PLEKHA7: variants seen among roughly 807,000 people sequenced by gnomAD.
PLEKHA7 encodes the protein pleckstrin homology domain-containing family A member 7.
Under a neutral mutation model 170.0 loss-of-function variants are expected in PLEKHA7, and 104 were observed. The ratio of observed to expected loss-of-function variants is 0.61; its 90% confidence interval spans 0.52 to 0.72. The LOEUF is 0.72. PLEKHA7 is among the 30% of genes least tolerant of loss of function. The pLI is 0.00. For synonymous variants in PLEKHA7, 648 were observed against 660.8 expected, an observed-to-expected ratio of 0.98 and a Z score of 0.30; for missense variants, 1,615 against 1,671.7, an observed-to-expected ratio of 0.97 and a Z score of 0.59.
chr11:16,955,702 G>A (rs1408270512), intron 3 of PLEKHA7, among the ~76,000 whole-genome samples: 1 of 152,154 alleles, frequency 6.6e-6, no homozygotes, highest in Non-Finnish European at 1.5e-5. Context: ...AGTCCACAAT[G>A]GAAGGACAGT....
chr11:16,929,082 T>C (rs934499357), intron 3 of PLEKHA7, among the ~76,000 whole-genome samples: 1 of 152,146 alleles, frequency 6.6e-6, no homozygotes. Flanking sequence ...TAAAAACAAC[T>C]GCATTTAAAA....
chr11:16,822,892 A>C (rs183294113), intron 10 of PLEKHA7, among the ~76,000 whole-genome samples: 1 of 152,302 alleles, frequency 6.6e-6, no homozygotes, highest in Non-Finnish European at 1.5e-5. Context: ...CCAAATGTTA[A>C]AACTCTCCAG....
At chr11:16,962,390 C>A (rs1303638991) in intron 3 of PLEKHA7, among the ~76,000 whole-genome samples, 1 of 152,200 alleles carries the variant, frequency 6.6e-6, no homozygotes, top group African/African-American at 2.4e-5. Context: ...TTATTATCTC[C>A]ACTGTGCAAC....
rs776711368 is a variant in PLEKHA7, at chr11:16,851,270, A to G, written c.617T>C (p.Leu206Pro). Reference protein sequence around the residue: ...YYKDSREEAVLGSIPLPSYVI... With the variant: ...YYKDSREEAVPGSIPLPSYVI... ...GTAGCTGGGCAAGGGGATGCTCCCG[A>G]GGACCGCTTCTTCTCGGCTGTCTTT... Residue 206 changes from leucine (L) to proline (P), a missense_variant, in exon 8 of 27, where the codon CTC becomes CCC. Physicochemically the swap from Leu to Pro is moderately conservative, Grantham distance 98. Coordinates refer to ENST00000531066, the MANE Select transcript of PLEKHA7 (RefSeq NM_001329630.2). The G allele has an allele frequency of 1.9e-5, 31 of 1,611,318 alleles. No homozygotes were observed. Among genetic ancestry groups the G allele is most frequent in the Middle Eastern group, 1.6e-4 (1 of 6,062 alleles).
intron 3 of PLEKHA7, among the ~76,000 whole-genome samples, chr11:16,871,463 A>T (rs958262719): frequency 6.6e-6 from 1 of 152,216 alleles, no homozygotes; most frequent in African/African-American, 2.4e-5. Context: ...GAGACATTCC[A>T]TGAAGTACTT....
At chr11:16,941,626 C>T (rs1860698624) in intron 3 of PLEKHA7, among the ~76,000 whole-genome samples, 1 of 152,202 alleles carries the variant, frequency 6.6e-6, no homozygotes, top group Non-Finnish European at 1.5e-5. Flanking sequence ...TTTAATACAA[C>T]ATTTAATTCT....
chr11:16,779,025 C>CA lies in PLEKHA7; in HGVS notation c.3794-6dup, dbSNP rs766040545. The CA allele has an allele frequency of 2.8e-6, 2 of 702,556 alleles. No individual in the cohort carries two copies. Among genetic ancestry groups the CA allele is most frequent in the South Asian group, 3.0e-5 (2 of 67,602 alleles). 43.5% of individuals were successfully genotyped at this position (702,556 alleles called of 1,614,324 possible). On this transcript the variant is annotated splice_region_variant and splice_polypyrimidine_tract_variant and intron_variant, in intron 26 of 26. Transcript: ENST00000531066. ...ACGGGTCAGTCACTGCCTGGGCTGG[C>CA]AAAAAGCACAGGAGACAGTGAGAGG...
intron 3 of PLEKHA7, among the ~76,000 whole-genome samples, chr11:16,914,115 C>T (rs1382189449): frequency 6.6e-6 from 1 of 151,732 alleles, no homozygotes; most frequent in East Asian, 1.9e-4. Flanking sequence ...GGGAAATACA[C>T]ATGATATCGT....
At chr11:16,781,066 A>ACCGCTTAATTCCTGTGTGC in intron 26 of PLEKHA7, 1 of 968,060 alleles carries the variant, frequency 1.0e-6, no homozygotes, top group Non-Finnish European at 1.2e-6. Flanking sequence ...GATGGGGCAC[A>ACCGCTTAATTCCTGTGTGC]CAGGAATTAA....
chr11:16,964,146 T>C (rs1862230033), intron 3 of PLEKHA7, among the ~76,000 whole-genome samples: 1 of 152,214 alleles, frequency 6.6e-6, no homozygotes, highest in Admixed American at 6.5e-5. Context: ...GTGTCAAAAT[T>C]TCCTTCCTCT....
At chr11:16,975,300 G>A (rs1862992700) in intron 3 of PLEKHA7, among the ~76,000 whole-genome samples, 1 of 152,110 alleles carries the variant, frequency 6.6e-6, no homozygotes. Context: ...ACATAAGCAT[G>A]TATTTATTTT....
At chr11:16,910,170 T>A (rs1858146722) in intron 3 of PLEKHA7, among the ~76,000 whole-genome samples, 2 of 152,252 alleles carry the variant, frequency 1.3e-5, no homozygotes, top group Non-Finnish European at 2.9e-5. Flanking sequence ...AATTAATATA[T>A]GAGTAATGTT....
intron 3 of PLEKHA7, among the ~76,000 whole-genome samples, chr11:16,906,723 T>C (rs1341363754): frequency 1.4e-5 from 2 of 141,274 alleles, no homozygotes; most frequent in African/African-American, 3.0e-5. Flanking sequence ...AGTGCCGAGA[T>C]TGCAGCCTCT....
At chr11:16,838,748 G>A (rs1191926218) in intron 9 of PLEKHA7, among the ~76,000 whole-genome samples, 1 of 143,758 alleles carries the variant, frequency 7.0e-6, no homozygotes, top group African/African-American at 2.6e-5. Context: ...AGGCAGTGGT[G>A]CGATCTCTGC....
intron 13 of PLEKHA7, 90 bp downstream of exon 13, chr11:16,813,023 C>G: frequency 9.1e-7 from 1 of 1,100,246 alleles, no homozygotes; most frequent in Non-Finnish European, 1.4e-6. Context: ...TAAGACCTGT[C>G]TGGCCTTTGG....
At chr11:16,916,283 G>A (rs934854065) in intron 3 of PLEKHA7, among the ~76,000 whole-genome samples, 2 of 152,088 alleles carry the variant, frequency 1.3e-5, no homozygotes, top group Non-Finnish European at 1.5e-5. Context: ...AGTAGGTTGC[G>A]AAAATTTTCT....
chr11:16,933,520 G>A (rs1432730465), intron 3 of PLEKHA7, among the ~76,000 whole-genome samples: 2 of 152,182 alleles, frequency 1.3e-5, no homozygotes. Context: ...TGGAGAGAAG[G>A]AAAGAGAAAA....
Position 16,985,810 on chromosome 11 carries a change from C to A in PLEKHA7, c.221+28179G>T, listed in dbSNP as rs559004389. On this transcript the variant is annotated intron_variant, in intron 3 of 26. Coordinates refer to ENST00000531066, the MANE Select transcript of PLEKHA7 (RefSeq NM_001329630.2). ...GCAAGAGAGGATGCTAGCATGCAAG[C>A]TCCATGCCCACAGGCACCCTCCTTT... 1.4e-4 allele frequency among the ~76,000 whole-genome samples: 22 copies of A among 152,364 alleles called. No homozygotes were observed. In the South Asian group the frequency reaches 4.4e-3, roughly 30 times the overall value.
intron 3 of PLEKHA7, among the ~76,000 whole-genome samples, chr11:16,882,688 C>T (rs1855796752): frequency 6.6e-6 from 1 of 152,196 alleles, no homozygotes; most frequent in African/African-American, 2.4e-5. Flanking sequence ...AAACCCCACA[C>T]ATTCAACACT....
Sources: gnomAD v4.1 joint callset for allele counts (sites outside exome capture counted in the v4.1 genomes callset) on GRCh38, gnomAD v4.1.1 for gene constraint, MANE v1.5 for transcripts, NCBI Gene and HGNC (gene_info 2026-07-23, HGNC 2026-07-21) for gene names.